The following GRM7 variants were observed in gnomAD, a reference collection of about 807,000 sequenced individuals.
GRM7 encodes the protein glutamate metabotropic receptor 7, also known as metabotropic glutamate receptor 7.
In GRM7, 35 loss-of-function variants were observed where a neutral mutation model predicts 84.5. The ratio of observed to expected loss-of-function variants is 0.41; its 90% CI spans 0.32 to 0.55. GRM7 has a LOEUF of 0.55. Among genes scored for constraint, GRM7 ranks in the 20% least tolerant of loss-of-function variants. The pLI, the probability that GRM7 is intolerant of heterozygous loss-of-function variation, is 0.19. For missense variants in GRM7, 1,003 were observed against 1,194.6 expected (o/e 0.84, Z 2.36); for synonymous variants, 487 against 455.1 (o/e 1.07, Z -0.89).
At chr3:7,314,802 TA>T (rs1386371637) in intron 4 of GRM7, among the ~76,000 whole-genome samples, 2 of 152,154 alleles carry the variant, frequency 1.3e-5, no homozygotes, top group Admixed American at 6.6e-5. Flanking sequence ...TCCCTTTGAA[TA>T]AGCCATATCT....
rs1702695025 is a variant in GRM7, at chr3:7,741,432, A to G, written c.*1026A>G. On this transcript the variant is annotated 3_prime_UTR_variant, in exon 10 of 10. Transcript: ENST00000357716. ...TGCTGCTTATGTGCCAATTTAGTGGAAAAAAACAACCCTTGCTGAAAAATT... is the reference window on the plus strand; with the variant it reads ...TGCTGCTTATGTGCCAATTTAGTGGGAAAAAACAACCCTTGCTGAAAAATT... The G allele has an allele frequency of 6.6e-6, 1 of 152,558 alleles. No homozygotes were observed. Among genetic ancestry groups the G allele is most frequent in the Non-Finnish European group, 1.5e-5 (1 of 68,028 alleles). The allele number at this position is 152,558 out of a possible 1,614,324, so 9.5% of individuals were successfully genotyped here.
intron 9 of GRM7, chr3:7,691,159 A>G (rs1700787455): frequency 1.1e-5 from 6 of 538,732 alleles, no homozygotes; most frequent in South Asian, 9.4e-5. Flanking sequence ...GTTTTTTTTC[A>G]AGTTGAAGAT....
intron 1 of GRM7, among the ~76,000 whole-genome samples, chr3:6,949,477 T>C (rs930109191): frequency 1.5e-4 from 23 of 152,184 alleles, no homozygotes; most frequent in Middle Eastern, 6.8e-3. Context: ...TTCTCTCTGG[T>C]TGCCCTTAAC....
intron 4 of GRM7, among the ~76,000 whole-genome samples, chr3:7,360,461 C>T (rs1300426198): frequency 2.0e-5 from 3 of 151,998 alleles, no homozygotes; most frequent in Non-Finnish European, 4.4e-5. Flanking sequence ...GTTACCATAA[C>T]AATTAAGATT....
chr3:7,741,443 C>T lies in GRM7; in HGVS notation c.*1037C>T, dbSNP rs930573121. ...TGCCAATTTAGTGGAAAAAAACAAC[C>T]CTTGCTGAAAAATTCCCTCTTTCCA... On this transcript the variant is annotated 3_prime_UTR_variant, in exon 10 of 10. Coordinates refer to ENST00000357716, the MANE Select transcript of GRM7 (RefSeq NM_000844.4). 3.9e-5 allele frequency: 6 copies of T among 152,528 alleles called. No homozygotes were observed. The highest frequency in any genetic ancestry group is 1.2e-4 in the African/African-American group (5 of 41,416). The allele number at this position is 152,528 out of a possible 1,614,324, so 9.4% of individuals were successfully genotyped here.
intron 9 of GRM7, among the ~76,000 whole-genome samples, chr3:7,705,767 T>C (rs1206775273): frequency 6.6e-6 from 1 of 152,208 alleles, no homozygotes; most frequent in African/African-American, 2.4e-5. Flanking sequence ...GAAATTAATA[T>C]ACATCAAGTG....
chr3:7,308,910 G>T (rs528682781), intron 4 of GRM7, among the ~76,000 whole-genome samples: 57 of 152,270 alleles, frequency 3.7e-4, no homozygotes, highest in African/African-American at 1.3e-3. Context: ...TTATTTTCAT[G>T]TAGATATAGA....
chr3:6,884,899 GAC>G (rs1574967652), intron 1 of GRM7, among the ~76,000 whole-genome samples: 1 of 152,056 alleles, frequency 6.6e-6, no homozygotes, highest in Non-Finnish European at 1.5e-5. Flanking sequence ...CGCCCGGCCA[GAC>G]ACAGTTTTCT....
In GRM7 at chr3:7,263,529, G is replaced by T. The variant is rs558219930; in HGVS notation, c.737-35155G>T. Among the ~76,000 whole-genome samples, 5 of 152,298 alleles carry T rather than the reference G, an allele frequency of 3.3e-5. No homozygotes were observed. In the South Asian group the frequency reaches 1.0e-3, roughly 32 times the overall value. On this transcript the variant is annotated intron_variant, in intron 2 of 9. Transcript: ENST00000357716. Reference sequence around the variant, plus strand: ...TTGCAGCAGTGTTGGTGGCAACACGGGTCAGGGGCGGCTCCACCTCCACCT... The same window carrying T: ...TTGCAGCAGTGTTGGTGGCAACACGTGTCAGGGGCGGCTCCACCTCCACCT...
At chr3:7,301,159 C>T (rs908810759) in intron 3 of GRM7, among the ~76,000 whole-genome samples, 1 of 111,470 alleles carries the variant, frequency 9.0e-6, no homozygotes, top group African/African-American at 2.7e-5. Flanking sequence ...TCTTTGCTCA[C>T]GATGTTTTTT....
At chr3:6,984,816 G>C (rs1015185418) in intron 1 of GRM7, among the ~76,000 whole-genome samples, 1 of 152,200 alleles carries the variant, frequency 6.6e-6, no homozygotes, top group Non-Finnish European at 1.5e-5. Flanking sequence ...GATTGTGAAG[G>C]AGGCATTCCT....
At position 7,741,065 on chromosome 3, in the gene GRM7, C is replaced by A. The variant is rs1280212084; in HGVS notation, c.*659C>A. The A allele has an allele frequency of 6.6e-6, 1 of 152,066 alleles. No homozygotes were observed. 9.4% of individuals were successfully genotyped at this position (152,066 alleles called of 1,614,324 possible). On this transcript the variant is annotated 3_prime_UTR_variant, in exon 10 of 10. Transcript: ENST00000357716. ...CCAAAAACTGTGCTGAGAAAGTATG[C>A]CCCACCTATCTTTGGTATATGATAG...
At chr3:7,531,904 A>T (rs1701051783) in intron 7 of GRM7, among the ~76,000 whole-genome samples, 1 of 152,140 alleles carries the variant, frequency 6.6e-6, no homozygotes, top group South Asian at 2.1e-4. Flanking sequence ...GAACGCTTCC[A>T]CCTTTTACCT....
chr3:7,109,159 T>A (rs972318748), intron 1 of GRM7, among the ~76,000 whole-genome samples: 11 of 152,038 alleles, frequency 7.2e-5, no homozygotes, highest in Non-Finnish European at 1.2e-4. Context: ...TTTGTTTTAG[T>A]TGAGGTACAG....
intron 5 of GRM7, among the ~76,000 whole-genome samples, chr3:7,451,323 A>C (rs1239060606): frequency 6.6e-6 from 1 of 152,224 alleles, no homozygotes; most frequent in African/African-American, 2.4e-5. Context: ...CTGGTAGAGC[A>C]TTAAAATATG....
intron 3 of GRM7, among the ~76,000 whole-genome samples, chr3:7,304,959 C>T (rs1159700850): frequency 7.2e-5 from 11 of 152,242 alleles, no homozygotes; most frequent in Non-Finnish European, 1.3e-4. Flanking sequence ...TCTGTGCCCA[C>T]GGGCAGTGCA....
intron 1 of GRM7, among the ~76,000 whole-genome samples, chr3:6,926,699 G>A (rs902634000): frequency 1.3e-5 from 2 of 152,154 alleles, no homozygotes; most frequent in African/African-American, 4.8e-5. Flanking sequence ...AAAAGCCGAT[G>A]CAACCACCCC....
intron 8 of GRM7, among the ~76,000 whole-genome samples, chr3:7,650,039 A>G (rs1405514649): frequency 2.0e-5 from 3 of 152,208 alleles, no homozygotes; most frequent in Non-Finnish European, 4.4e-5. Flanking sequence ...GTTCTTTTCT[A>G]CATTATTTGT....
chr3:7,330,953 G>C (rs1311429601), intron 4 of GRM7, among the ~76,000 whole-genome samples: 1 of 152,098 alleles, frequency 6.6e-6, no homozygotes, highest in Non-Finnish European at 1.5e-5. Flanking sequence ...TCACCCTTCA[G>C]AGAGGCATCT....
Sources: gnomAD v4.1 joint callset for allele counts (sites outside exome capture counted in the v4.1 genomes callset) on GRCh38, gnomAD v4.1.1 for gene constraint, MANE v1.5 for transcripts, NCBI Gene and HGNC (gene_info 2026-07-23, HGNC 2026-07-21) for gene names.